The following GPC5 variants were observed in gnomAD, a reference collection of about 807,000 sequenced individuals.
The protein encoded by GPC5 is glypican 5, also known as glypican-5.
Under a neutral mutation model 53.9 loss-of-function variants are expected in GPC5, and 47 were observed. The ratio of observed to expected loss-of-function variants is 0.87; its 90% CI spans 0.69 to 1.11. The LOEUF (loss-of-function observed/expected upper bound fraction) is 1.11. Among genes scored for constraint, GPC5 ranks in the 50% most tolerant of loss-of-function variants. The pLI is 0.00. For missense variants in GPC5, 748 were observed against 713.1 expected (o/e 1.05, Z -0.56); for synonymous variants, 286 against 263.3 (o/e 1.09, Z -0.84).
In GPC5 at chr13:92,410,729, C is replaced by T. The variant is rs142199428; in HGVS notation, c.1561+265740C>T. Among the ~76,000 whole-genome samples, 198 of 152,212 alleles carry T rather than the reference C, an allele frequency of 1.3e-3. 1 individual carries two copies. The highest frequency in any genetic ancestry group is 4.4e-3 in the African/African-American group (183 of 41,530). ...CACTTTAATTAACTTGAGTTAAAAACCGGATTAAATTGTTCTCCTCAAGCA... is the reference window on the plus strand; with the variant it reads ...CACTTTAATTAACTTGAGTTAAAAATCGGATTAAATTGTTCTCCTCAAGCA... On this transcript the variant is annotated intron_variant, in intron 7 of 7. Coordinates refer to ENST00000377067, the MANE Select transcript of GPC5 (RefSeq NM_004466.6).
chr13:92,616,369 G>A (rs1235838174), intron 7 of GPC5, among the ~76,000 whole-genome samples: 1 of 152,088 alleles, frequency 6.6e-6, no homozygotes, highest in East Asian at 1.9e-4. Flanking sequence ...AATCAAATAT[G>A]CTTATTTAAT....
intron 7 of GPC5, among the ~76,000 whole-genome samples, chr13:92,234,002 G>A (rs931490080): frequency 6.6e-6 from 1 of 152,126 alleles, no homozygotes; most frequent in East Asian, 1.9e-4. Flanking sequence ...CATTTTTTAT[G>A]GCTGCATAGT....
chr13:91,503,106 C>T lies in GPC5; in HGVS notation c.325+54184C>T, dbSNP rs9589261. Among the ~76,000 whole-genome samples, 913 of 152,132 alleles carry T rather than the reference C, an allele frequency of 6.0e-3. 8 individuals carry two copies. Among genetic ancestry groups the T allele is most frequent in the African/African-American group, 0.021 (891 of 41,488 alleles). Reference sequence around the variant, plus strand: ...GAAAAACATCAATATATTTACTATGCATGCTTCATTAAAAAATAAAGCAAT... The same window carrying T: ...GAAAAACATCAATATATTTACTATGTATGCTTCATTAAAAAATAAAGCAAT... On this transcript the variant is annotated intron_variant, in intron 2 of 7. Transcript: ENST00000377067.
chr13:92,411,683 T>A (rs1483099262), intron 7 of GPC5, among the ~76,000 whole-genome samples: 1 of 152,202 alleles, frequency 6.6e-6, no homozygotes, highest in East Asian at 1.9e-4. Flanking sequence ...TAATGTTTTT[T>A]CAGTTTGTGA....
At chr13:91,876,761 A>T (rs2039207064) in intron 5 of GPC5, among the ~76,000 whole-genome samples, 1 of 152,238 alleles carries the variant, frequency 6.6e-6, no homozygotes. Context: ...TTGCATAAGT[A>T]GCAAGGAGCC....
chr13:91,697,649 G>A (rs2035908356), intron 3 of GPC5, among the ~76,000 whole-genome samples: 1 of 151,838 alleles, frequency 6.6e-6, no homozygotes. Flanking sequence ...AATATTAATA[G>A]ATTACCCTCT....
intron 5 of GPC5, among the ~76,000 whole-genome samples, chr13:91,848,667 A>G (rs115760612): frequency 0.01 from 1,574 of 152,340 alleles, 30 homozygotes; most frequent in African/African-American, 0.035. Flanking sequence ...GTTGTTAACT[A>G]TATTTGGGAA....
intron 2 of GPC5, among the ~76,000 whole-genome samples, chr13:91,537,068 A>T (rs1886625086): frequency 6.6e-6 from 1 of 152,212 alleles, no homozygotes; most frequent in Non-Finnish European, 1.5e-5. Flanking sequence ...TGGCTAATTT[A>T]TAGCTATAAA....
intron 4 of GPC5, among the ~76,000 whole-genome samples, chr13:91,751,276 C>A (rs372604672): frequency 2.0e-5 from 3 of 152,178 alleles, no homozygotes; most frequent in South Asian, 2.1e-4. Context: ...TTTTCAGTAG[C>A]CTTTCCTTCT....
At chr13:92,460,943 A>G (rs1304998677) in intron 7 of GPC5, among the ~76,000 whole-genome samples, 1 of 152,180 alleles carries the variant, frequency 6.6e-6, no homozygotes, top group Non-Finnish European at 1.5e-5. Flanking sequence ...AGGAATTAGA[A>G]TAAGAGAAAA....
Position 92,636,523 on chromosome 13 carries a change from C to G in GPC5, c.1562-229759C>G, listed in dbSNP as rs116180609. On this transcript the variant is annotated intron_variant, in intron 7 of 7. Transcript: ENST00000377067. ...TTGCTTCTTACCTTATACTTTGAAG[C>G]AGAAGCAGAAAATTACTTTGGCTGA... Among the ~76,000 whole-genome samples the G allele has an allele frequency of 9.2e-3, 1,398 of 152,240 alleles. 22 individuals are homozygous for G. The highest frequency in any genetic ancestry group is 0.032 in the African/African-American group (1,347 of 41,558).
At chr13:91,689,475 T>G (rs2035707174) in intron 2 of GPC5, among the ~76,000 whole-genome samples, 2 of 150,746 alleles carry the variant, frequency 1.3e-5, no homozygotes. Context: ...TACAGTAGTT[T>G]ATAATAAATT....
intron 7 of GPC5, among the ~76,000 whole-genome samples, chr13:92,735,489 T>C (rs1192815424): frequency 6.6e-6 from 1 of 151,968 alleles, no homozygotes; most frequent in South Asian, 2.1e-4. Flanking sequence ...ATTCTATGGA[T>C]TCCATTTCCT....
chr13:92,586,177 A>G (rs76693671), intron 7 of GPC5, among the ~76,000 whole-genome samples: 32,810 of 152,122 alleles, frequency 0.22, 3,662 homozygotes, highest in Non-Finnish European at 0.23. Flanking sequence ...AAGCTTGCCA[A>G]ATATTTTCCA....
At chr13:91,710,832 T>G (rs1285665579) in intron 3 of GPC5, among the ~76,000 whole-genome samples, 1 of 151,758 alleles carries the variant, frequency 6.6e-6, no homozygotes, top group Non-Finnish European at 1.5e-5. Context: ...TTCATTTAGA[T>G]GTTAATAGGT....
intron 7 of GPC5, among the ~76,000 whole-genome samples, chr13:92,598,660 T>C (rs1883951892): frequency 6.6e-6 from 1 of 152,182 alleles, no homozygotes; most frequent in Admixed American, 6.5e-5. Flanking sequence ...CATTTCAAAA[T>C]AAATTTACAC....
At chr13:92,787,635 C>G (rs931834000) in intron 7 of GPC5, among the ~76,000 whole-genome samples, 3 of 133,366 alleles carry the variant, frequency 2.2e-5, no homozygotes, top group African/African-American at 9.0e-5. Context: ...GAGTTTGAGA[C>G]CAGTCTGGGC....
chr13:92,006,499 C>A (rs754731538), intron 6 of GPC5, among the ~76,000 whole-genome samples: 1 of 152,084 alleles, frequency 6.6e-6, no homozygotes, highest in Admixed American at 6.5e-5. Flanking sequence ...TTTTGAAACT[C>A]CACTTGTCTA....
intron 7 of GPC5, among the ~76,000 whole-genome samples, chr13:92,424,263 A>G (rs1876720860): frequency 6.6e-6 from 1 of 152,068 alleles, no homozygotes. Flanking sequence ...CCAATTATTT[A>G]TTCTTCTTTC....
Sources: allele counts gnomAD v4.1 joint callset (sites outside exome capture counted in the v4.1 genomes callset), GRCh38; gene constraint gnomAD v4.1.1; transcripts MANE v1.5; gene names NCBI Gene and HGNC (gene_info 2026-07-23, HGNC 2026-07-21).